SGK3: variants seen among roughly 807,000 people sequenced by gnomAD.
SGK3 encodes serine/threonine-protein kinase Sgk3.
In SGK3, 47 loss-of-function variants were observed where a neutral mutation model predicts 68.5. The observed-to-expected ratio is 0.69, with a 90% CI of 0.54 to 0.87. The LOEUF is 0.87. SGK3 is among the 40% of genes least tolerant of loss of function. The pLI, the probability that SGK3 is intolerant of heterozygous loss-of-function variation, is 0.00. For missense variants in SGK3, 479 were observed against 575.5 expected (o/e 0.83, Z 1.72); for synonymous variants, 181 against 189.1 (o/e 0.96, Z 0.35).
intron 4 of SGK3, among the ~76,000 whole-genome samples, chr8:66,811,111 A>G (rs1391569414): frequency 6.6e-6 from 1 of 152,138 alleles, no homozygotes; most frequent in African/African-American, 2.4e-5. Flanking sequence ...CTGCCTCCCA[A>G]CTCAGGTGAT....
intron 1 of SGK3, among the ~76,000 whole-genome samples, chr8:66,736,977 T>C (rs888017398): frequency 1.3e-5 from 2 of 151,912 alleles, no homozygotes; most frequent in Non-Finnish European, 2.9e-5. Flanking sequence ...GAGGCCTTGC[T>C]ATGTTCCCCA....
At chr8:66,769,207 C>T (rs1806422038) in intron 1 of SGK3, among the ~76,000 whole-genome samples, 1 of 152,156 alleles carries the variant, frequency 6.6e-6, no homozygotes, top group Admixed American at 6.5e-5. Flanking sequence ...TTGTCCACAG[C>T]TCATCGATTC....
rs1490912459 is a variant in SGK3, at chr8:66,723,110, TATATATATATATATATATATA to T, written c.-122+10278_-122+10298del. On this transcript the variant is annotated intron_variant, in intron 1 of 16. Coordinates refer to ENST00000521198, the MANE Select transcript of SGK3 (RefSeq NM_001033578.3). ...TTGTTCATATATATATATATATATA[TATATATATATATATATATATA>T]TTTTTTTTTTTTTTTTTTTTTGTAA... Among the ~76,000 whole-genome samples, 26 of 47,728 alleles carry T rather than the reference TATATATATATATATATATATA, an allele frequency of 5.4e-4. No homozygotes were observed. In the East Asian group the frequency reaches 7.3e-3, roughly 13 times the overall value. 31.3% of individuals were successfully genotyped at this position (47,728 alleles called of 152,430 possible). A position where few individuals can be genotyped will look rare whatever the true frequency, so the allele number is the denominator to read the frequency against.
intron 5 of SGK3, among the ~76,000 whole-genome samples, chr8:66,818,976 A>G (rs1385148751): frequency 3.3e-5 from 5 of 152,184 alleles, no homozygotes; most frequent in South Asian, 4.1e-4. Context: ...GGATAATGCA[A>G]AATAGTTGTG....
intron 14 of SGK3, among the ~76,000 whole-genome samples, chr8:66,846,561 A>T (rs1436439871): frequency 1.3e-5 from 2 of 152,006 alleles, no homozygotes; most frequent in Non-Finnish European, 2.9e-5. Flanking sequence ...CAATCTGCCC[A>T]CCTCAGCCCC....
intron 1 of SGK3, among the ~76,000 whole-genome samples, chr8:66,729,535 T>C (rs893569059): frequency 2.0e-5 from 3 of 152,124 alleles, no homozygotes; most frequent in African/African-American, 7.2e-5. Context: ...TATTGATTGA[T>C]GTTTGGGTTG....
intron 1 of SGK3, among the ~76,000 whole-genome samples, chr8:66,723,126 TATA>T (rs1407278678): frequency 4.1e-4 from 24 of 58,788 alleles, no homozygotes; most frequent in African/African-American, 7.4e-4. Context: ...TATATATATA[TATA>T]TATTTTTTTT....
At chr8:66,742,516 G>A (rs1805513157) in intron 1 of SGK3, among the ~76,000 whole-genome samples, 1 of 152,062 alleles carries the variant, frequency 6.6e-6, no homozygotes. Flanking sequence ...ACAGATGTAT[G>A]CCACCATGTC....
intron 6 of SGK3, among the ~76,000 whole-genome samples, chr8:66,823,863 A>G (rs1808948566): frequency 1.3e-5 from 2 of 152,354 alleles, no homozygotes; most frequent in Admixed American, 1.3e-4. Flanking sequence ...TAAATGTTAT[A>G]TAACTATATC....
intron 16 of SGK3, among the ~76,000 whole-genome samples, chr8:66,857,628 A>T (rs1420118015): frequency 6.6e-6 from 1 of 152,070 alleles, no homozygotes; most frequent in Non-Finnish European, 1.5e-5. Context: ...CTAAAAATAA[A>T]AAATAAGCCA....
At chr8:66,785,530 T>C (rs189283623) in intron 1 of SGK3, among the ~76,000 whole-genome samples, 151 of 152,286 alleles carry the variant, frequency 9.9e-4, no homozygotes, top group Non-Finnish European at 1.9e-3. Flanking sequence ...TTGTAGATGC[T>C]TAACATCATC....
intron 1 of SGK3, among the ~76,000 whole-genome samples, chr8:66,727,237 G>A (rs556801950): frequency 6.6e-6 from 1 of 152,144 alleles, no homozygotes; most frequent in South Asian, 2.1e-4. Context: ...GAGTAGCTGG[G>A]ACTACAGGTG....
chr8:66,712,816 G>A lies in SGK3; in HGVS notation c.-139G>A, dbSNP rs1443355656. On this transcript the variant is annotated 5_prime_UTR_variant, in exon 1 of 17. Coordinates refer to ENST00000521198, the MANE Select transcript of SGK3 (RefSeq NM_001033578.3). ...CGGCTCCGCGCCCGCCGCGCCGGGAGCAGCACCGCGGGGCCAGGTAGGTGC... is the reference window on the plus strand; with the variant it reads ...CGGCTCCGCGCCCGCCGCGCCGGGAACAGCACCGCGGGGCCAGGTAGGTGC... 6.6e-6 allele frequency: 1 copy of A among 151,396 alleles called. No homozygotes were observed. The highest frequency in any genetic ancestry group is 6.6e-5 in the Admixed American group (1 of 15,190). The allele number at this position is 151,396 out of a possible 1,614,324, so 9.4% of individuals were successfully genotyped here. A position where few individuals can be genotyped will look rare whatever the true frequency, so the allele number is the denominator to read the frequency against.
chr8:66,823,388 G>GTTT (rs200290622), intron 6 of SGK3, among the ~76,000 whole-genome samples: 54 of 134,984 alleles, frequency 4.0e-4, no homozygotes, highest in African/African-American at 1.4e-3. Flanking sequence ...GGGTAGCCTT[G>GTTT]TTTTTTTTTT....
chr8:66,746,396 A>G (rs1805656008), intron 1 of SGK3, among the ~76,000 whole-genome samples: 1 of 152,158 alleles, frequency 6.6e-6, no homozygotes. Flanking sequence ...TCAACTGACC[A>G]GTTTCTCTGT....
At chr8:66,819,415 A>G (rs1808720606) in intron 5 of SGK3, among the ~76,000 whole-genome samples, 1 of 152,352 alleles carries the variant, frequency 6.6e-6, no homozygotes, top group East Asian at 1.9e-4. Flanking sequence ...AATACTATGC[A>G]CAAAGATTGT....
intron 1 of SGK3, among the ~76,000 whole-genome samples, chr8:66,764,784 C>A (rs1806269465): frequency 6.6e-6 from 1 of 152,104 alleles, no homozygotes; most frequent in South Asian, 2.1e-4. Flanking sequence ...ATGAAATAAA[C>A]CAGACACCAG....
chr8:66,743,427 G>A (rs1805538142), intron 1 of SGK3, among the ~76,000 whole-genome samples: 2 of 152,284 alleles, frequency 1.3e-5, no homozygotes, highest in South Asian at 4.1e-4. Flanking sequence ...ATTACTTAAG[G>A]ACAGGGACTT....
chr8:66,752,261 T>TA (rs1174035957), intron 1 of SGK3, among the ~76,000 whole-genome samples: 1 of 152,066 alleles, frequency 6.6e-6, no homozygotes. Context: ...CAGTAAAACT[T>TA]ACTGTATGTG....
Sources: allele counts gnomAD v4.1 joint callset (sites outside exome capture counted in the v4.1 genomes callset), GRCh38; gene constraint gnomAD v4.1.1; transcripts MANE v1.5; gene names NCBI Gene and HGNC (gene_info 2026-07-23, HGNC 2026-07-21).